Variants in LDLRAD4 observed in about 807,000 individuals in gnomAD.
LDLRAD4 encodes low-density lipoprotein receptor class A domain-containing protein 4.
LDLRAD4 carries 5 observed loss-of-function variants against 17.0 expected under a neutral mutation model. The observed-to-expected ratio is 0.29, with a 90% CI of 0.15 to 0.62. LDLRAD4 has a LOEUF of 0.62. Among genes scored for constraint, LDLRAD4 ranks in the 20% least tolerant of loss-of-function variants. The pLI is 0.84. For missense variants in LDLRAD4, 340 were observed against 424.7 expected (o/e 0.80, Z 1.75); for synonymous variants, 168 against 171.8 (o/e 0.98, Z 0.17).
intron 1 of LDLRAD4, among the ~76,000 whole-genome samples, chr18:13,284,601 G>A (rs190490815): frequency 6.0e-4 from 92 of 152,256 alleles, no homozygotes; most frequent in Non-Finnish European, 8.8e-4. Context: ...GTATTTTTCC[G>A]TGGTGCGGGA....
At chr18:13,403,698 T>C (rs954410380) in intron 2 of LDLRAD4, among the ~76,000 whole-genome samples, 2 of 152,260 alleles carry the variant, frequency 1.3e-5, no homozygotes, top group Non-Finnish European at 2.9e-5. Flanking sequence ...CAACAGGGGA[T>C]GTTTTACTGC....
At chr18:13,265,350 G>C (rs1297886767) in intron 1 of LDLRAD4, among the ~76,000 whole-genome samples, 2 of 152,188 alleles carry the variant, frequency 1.3e-5, no homozygotes, top group African/African-American at 4.8e-5. Flanking sequence ...TTACCTGTGT[G>C]GCCTGGACGG....
chr18:13,258,625 C>T (rs1237395260), intron 1 of LDLRAD4, among the ~76,000 whole-genome samples: 1 of 152,144 alleles, frequency 6.6e-6, no homozygotes, highest in African/African-American at 2.4e-5. Context: ...TCAGAATTGT[C>T]CTTCCTTCCT....
chr18:13,371,804 A>G (rs1304992791), intron 1 of LDLRAD4, among the ~76,000 whole-genome samples: 1 of 152,172 alleles, frequency 6.6e-6, no homozygotes, highest in Non-Finnish European at 1.5e-5. Flanking sequence ...AAAGAGAAAA[A>G]GAGAACCCAC....
chr18:13,638,394 G>A (rs1426271584), intron 4 of LDLRAD4, among the ~76,000 whole-genome samples: 3 of 152,340 alleles, frequency 2.0e-5, no homozygotes, highest in African/African-American at 7.2e-5. Flanking sequence ...TATGCTGATA[G>A]TGGTAGCCTC....
At chr18:13,553,732 C>T (rs182093818) in intron 3 of LDLRAD4, among the ~76,000 whole-genome samples, 16 of 152,284 alleles carry the variant, frequency 1.1e-4, no homozygotes, top group Admixed American at 7.8e-4. Context: ...GTCTGTCCTT[C>T]GCATGGAAAC....
intron 2 of LDLRAD4, among the ~76,000 whole-genome samples, chr18:13,395,222 A>G (rs2086561343): frequency 6.6e-6 from 1 of 151,734 alleles, no homozygotes; most frequent in Non-Finnish European, 1.5e-5. Context: ...GTACCAAAAC[A>G]CAGTCTGGCT....
intron 1 of LDLRAD4, among the ~76,000 whole-genome samples, chr18:13,233,733 A>G (rs540640535): frequency 6.6e-6 from 1 of 152,214 alleles, no homozygotes; most frequent in South Asian, 2.1e-4. Flanking sequence ...TTTTGTCGCA[A>G]CTGTTGAGAC....
At chr18:13,269,379 G>A (rs2044394399) in intron 1 of LDLRAD4, among the ~76,000 whole-genome samples, 1 of 152,134 alleles carries the variant, frequency 6.6e-6, no homozygotes, top group Non-Finnish European at 1.5e-5. Flanking sequence ...TTAAAACACT[G>A]GCTCAATGAA....
At chr18:13,432,657 G>T (rs572337184) in intron 2 of LDLRAD4, among the ~76,000 whole-genome samples, 71 of 152,214 alleles carry the variant, frequency 4.7e-4, no homozygotes, top group Non-Finnish European at 6.2e-4. Flanking sequence ...TCTTTCCTCT[G>T]CATTTCCTGA....
chr18:13,509,045 G>A (rs1395893183), intron 3 of LDLRAD4, among the ~76,000 whole-genome samples: 1 of 152,216 alleles, frequency 6.6e-6, no homozygotes, highest in African/African-American at 2.4e-5. Context: ...GCTCATGCCT[G>A]TAATTCCAGC....
chr18:13,324,110 G>A (rs562966479), intron 1 of LDLRAD4, among the ~76,000 whole-genome samples: 30 of 151,826 alleles, frequency 2.0e-4, no homozygotes, highest in African/African-American at 7.0e-4. Flanking sequence ...CACGTGCGTG[G>A]CTCCATTAAC....
At chr18:13,430,326 C>T (rs1350250674) in intron 2 of LDLRAD4, among the ~76,000 whole-genome samples, 1 of 152,226 alleles carries the variant, frequency 6.6e-6, no homozygotes, top group Non-Finnish European at 1.5e-5. Context: ...ATGCTGCTTT[C>T]TCTGCAGAGC....
chr18:13,291,460 C>T (rs969693463), intron 1 of LDLRAD4, among the ~76,000 whole-genome samples: 2 of 152,164 alleles, frequency 1.3e-5, no homozygotes, highest in Admixed American at 1.3e-4. Flanking sequence ...GAGGGTGAGG[C>T]GCAGATGGCT....
At chr18:13,501,444 C>T (rs533182297) in intron 3 of LDLRAD4, among the ~76,000 whole-genome samples, 5 of 152,308 alleles carry the variant, frequency 3.3e-5, no homozygotes, top group Admixed American at 1.3e-4. Context: ...TACCTGCCGA[C>T]GGCTGCATGG....
At chr18:13,430,952 C>G (rs539019677) in intron 2 of LDLRAD4, among the ~76,000 whole-genome samples, 1 of 152,128 alleles carries the variant, frequency 6.6e-6, no homozygotes, top group African/African-American at 2.4e-5. Context: ...GTCTGAAGTA[C>G]CATTGATCCT....
At chr18:13,401,722 C>T (rs986829287) in intron 2 of LDLRAD4, among the ~76,000 whole-genome samples, 2 of 152,216 alleles carry the variant, frequency 1.3e-5, no homozygotes, top group African/African-American at 4.8e-5. Flanking sequence ...GGGTCAGACA[C>T]GTGGAGAATG....
At chr18:13,642,928 GTT>G (rs113846373) in intron 4 of LDLRAD4, among the ~76,000 whole-genome samples, 195 of 133,828 alleles carry the variant, frequency 1.5e-3, no homozygotes, top group Admixed American at 3.7e-3. Flanking sequence ...TCTATTTTTT[GTT>G]TTTTTTTTTT....
chr18:13,626,102 G>A (rs8094791), intron 4 of LDLRAD4, among the ~76,000 whole-genome samples: 39,466 of 151,716 alleles, frequency 0.26, 8,119 homozygotes, highest in African/African-American at 0.54. Flanking sequence ...ACTCAGGTGT[G>A]AATTACATCA....
Sources: allele counts gnomAD v4.1 joint callset (sites outside exome capture counted in the v4.1 genomes callset), GRCh38; gene constraint gnomAD v4.1.1; transcripts MANE v1.5; gene names NCBI Gene and HGNC (gene_info 2026-07-23, HGNC 2026-07-21).